The following CRYBG3 variants were observed in gnomAD, a reference collection of about 807,000 sequenced individuals.
The protein encoded by CRYBG3 is crystallin beta-gamma domain containing 3, also known as very large A-kinase anchor protein.
A neutral mutation model predicts 244.2 loss-of-function variants in CRYBG3; 127 were observed. The observed-to-expected ratio is 0.52, with a 90% CI of 0.45 to 0.60. The LOEUF is 0.60. Ranked by LOEUF, CRYBG3 falls within the 20% of genes least tolerant of loss-of-function variation. The pLI, the probability that CRYBG3 is intolerant of heterozygous loss-of-function variation, is 0.00. For missense variants in CRYBG3, 3,325 were observed against 3,442.5 expected (o/e 0.97, Z 0.85); for synonymous variants, 1,132 against 1,195.8 (o/e 0.95, Z 1.10).
At chr3:97,882,096 C>T (rs562383853) in intron 7 of CRYBG3, among the ~76,000 whole-genome samples, 7 of 152,060 alleles carry the variant, frequency 4.6e-5, no homozygotes, top group African/African-American at 1.7e-4. Flanking sequence ...GTAATCCCAG[C>T]TTCACAGGAG....
At position 97,913,008 on chromosome 3, in the gene CRYBG3, G is replaced by A. The variant is rs147041334; in HGVS notation, c.8114+732G>A. Among the ~76,000 whole-genome samples, 9 of 151,834 alleles carry A rather than the reference G, an allele frequency of 5.9e-5. 1 individual carries two copies. Among genetic ancestry groups the A allele is most frequent in the African/African-American group, 2.2e-4 (9 of 41,386 alleles). ...CTCTCTTTTCTTTTAAAATATCTTA[G>A]GTTTGTCAGTTTTCCTCCTTTCTCC... is the stretch of plus-strand genomic sequence containing the variant. On this transcript the variant is annotated intron_variant, in intron 16 of 21. Transcript: ENST00000389622.
intron 10 of CRYBG3, among the ~76,000 whole-genome samples, chr3:97,892,001 G>A (rs1432906485): frequency 6.6e-6 from 1 of 152,176 alleles, no homozygotes; most frequent in African/African-American, 2.4e-5. Context: ...TAACTGGCCT[G>A]CTTTTGCTTT....
chr3:97,913,884 G>A (rs367799350), intron 16 of CRYBG3, among the ~76,000 whole-genome samples: 99 of 152,226 alleles, frequency 6.5e-4, no homozygotes, highest in South Asian at 1.5e-3. Flanking sequence ...TAATTAGCTG[G>A]TAGTGAGTAG....
chr3:97,877,888 T>C lies in CRYBG3; in HGVS notation c.6694T>C (p.Ser2232Pro). 1 of 1,614,078 alleles carries C rather than the reference T, an allele frequency of 6.2e-7. No individual in the cohort carries two copies. The highest frequency in any genetic ancestry group is 2.2e-5 in the East Asian group (1 of 44,876). ...KSDLTSKLHSSLKSAYHQYLQ... is the reference protein window; with the variant it reads ...KSDLTSKLHSPLKSAYHQYLQ... The stretch of plus-strand genomic sequence containing the variant: ...TGACCTTACTTCTAAACTACATTCT[T>C]CTTTAAAGAGTGCTTATCATCAGTA... Residue 2232 changes from serine to proline, a missense_variant, in exon 4 of 22, where the codon TCT (serine) becomes CCT (proline). By Grantham distance (74) the Ser-to-Pro change is moderately conservative. Transcript: ENST00000389622.
At chr3:97,916,069 A>G (rs1392801178) in intron 17 of CRYBG3, among the ~76,000 whole-genome samples, 1 of 152,188 alleles carries the variant, frequency 6.6e-6, no homozygotes, top group Non-Finnish European at 1.5e-5. Flanking sequence ...TAAAATAATA[A>G]CAATAGCACT....
At chr3:97,898,811 T>C in intron 12 of CRYBG3, 72 bp from the exon 13 acceptor site, 1 of 1,080,624 alleles carries the variant, frequency 9.3e-7, no homozygotes, top group Non-Finnish European at 1.3e-6. Context: ...GTATGTGATA[T>C]TTTGCTAGAT....
At position 97,933,840 on chromosome 3, in the gene CRYBG3, A is replaced by G. The variant is rs2040126222; in HGVS notation, c.8381+7A>G. ...TGTGGGTAAAAAGTGGACTGTAAGT[A>G]TGGGAAAAAGGCTTGGTCTGGTTCA... On this transcript the variant is annotated splice_region_variant and intron_variant, in intron 18 of 21. Coordinates refer to ENST00000389622, the MANE Select transcript of CRYBG3 (RefSeq NM_153605.4). 3.1e-6 allele frequency: 5 copies of G among 1,610,706 alleles called. No individual in the cohort carries two copies. Among genetic ancestry groups the G allele is most frequent in the Non-Finnish European group, 4.2e-6 (5 of 1,178,016 alleles).
Position 97,876,834 on chromosome 3 carries a change from C to A in CRYBG3, c.5640C>A (p.Thr1880=). The change falls in exon 4 of 22, where the codon ACC becomes ACA. Residue 1880 remains threonine (T), a synonymous_variant. Transcript: ENST00000389622. ...EKIHGTGLEL[T]TKQGEAMLPA... is the part of the protein sequence containing the mutation. The stretch of plus-strand genomic sequence containing the variant: ...TACATGGAACAGGACTAGAATTGAC[C>A]ACTAAACAAGGGGAGGCCATGCTTC... The A allele has an allele frequency of 2.2e-6, 3 of 1,371,294 alleles. No individual in the cohort carries two copies. Among genetic ancestry groups the A allele is most frequent in the Non-Finnish European group, 2.8e-6 (3 of 1,065,280 alleles). 84.9% of individuals were successfully genotyped at this position (1,371,294 alleles called of 1,614,324 possible).
Position 97,865,722 on chromosome 3 carries a change from G to A in CRYBG3, c.647+1075G>A, listed in dbSNP as rs559644697. On this transcript the variant is annotated intron_variant, in intron 3 of 21. Transcript: ENST00000389622. The stretch of plus-strand genomic sequence containing the variant: ...GTAATTTGAACCCTAGAATATGATG[G>A]CATTATGTGTTCCTCATCTTTGTAC... 2.6e-4 allele frequency among the ~76,000 whole-genome samples: 39 copies of A among 152,200 alleles called. No homozygotes were observed. In the South Asian group the frequency reaches 7.7e-3, roughly 30 times the overall value.
intron 8 of CRYBG3, 36 bp downstream of exon 8, chr3:97,886,803 G>T: frequency 6.8e-7 from 1 of 1,480,176 alleles, no homozygotes; most frequent in Non-Finnish European, 9.0e-7. Context: ...AGTGATTGAT[G>T]GCCACCAATT....
intron 2 of CRYBG3, among the ~76,000 whole-genome samples, chr3:97,852,619 A>G (rs1319472349): frequency 6.6e-6 from 1 of 152,162 alleles, no homozygotes; most frequent in Non-Finnish European, 1.5e-5. Flanking sequence ...AGCTGTTGTA[A>G]ATAGTGCTGC....
At position 97,939,709 on chromosome 3, in the gene CRYBG3, C is replaced by T. The variant is rs561338133; in HGVS notation, c.8506-1439C>T. Among the ~76,000 whole-genome samples, 7 of 152,086 alleles carry T rather than the reference C, an allele frequency of 4.6e-5. No individual in the cohort carries two copies. The South Asian group carries it at 1.5e-3, about 32-fold the overall frequency. On this transcript the variant is annotated intron_variant, in intron 19 of 21. Coordinates refer to ENST00000389622, the MANE Select transcript of CRYBG3 (RefSeq NM_153605.4). ...ATGTAATAAAGATATACTGAAGCCTCAAGAATTAATAATTGCAGTAGATCC... is the reference window on the plus strand; with the variant it reads ...ATGTAATAAAGATATACTGAAGCCTTAAGAATTAATAATTGCAGTAGATCC...
chr3:97,834,617 C>G (rs1211012495), intron 1 of CRYBG3, among the ~76,000 whole-genome samples: 1 of 152,084 alleles, frequency 6.6e-6, no homozygotes, highest in Non-Finnish European at 1.5e-5. Flanking sequence ...CACAAAGGAG[C>G]ATTCACAGGA....
At chr3:97,852,345 T>C (rs2038998790) in intron 2 of CRYBG3, among the ~76,000 whole-genome samples, 1 of 152,170 alleles carries the variant, frequency 6.6e-6, no homozygotes. Flanking sequence ...AGAGATTCAG[T>C]CTCACATTCT....
At chr3:97,917,601 G>A (rs1328632940) in intron 17 of CRYBG3, among the ~76,000 whole-genome samples, 1 of 152,096 alleles carries the variant, frequency 6.6e-6, no homozygotes, top group East Asian at 1.9e-4. Flanking sequence ...GCCTTAAGTT[G>A]ATCAGACCTA....
Position 97,873,394 on chromosome 3 carries a change from G to C in CRYBG3, c.2200G>C (p.Glu734Gln), listed in dbSNP as rs1410115510. The stretch of plus-strand genomic sequence containing the variant: ...TACATCTGCAATTTTTGAATTCAAA[G>C]AAGTTCTTTCTAATAGTGAAAAATG... ...EYTSAIFEFK[E>Q]VLSNSEKCQV... Residue 734 changes from glutamate (E) to glutamine (Q), a missense_variant, in exon 4 of 22, where the codon GAA becomes CAA. Physicochemically the swap from Glu to Gln is conservative, Grantham distance 29. Coordinates refer to ENST00000389622, the MANE Select transcript of CRYBG3 (RefSeq NM_153605.4). The C allele has an allele frequency of 1.3e-6, 2 of 1,535,646 alleles. No homozygotes were observed. The highest frequency in any genetic ancestry group is 4.9e-5 in the East Asian group (2 of 40,928).
intron 15 of CRYBG3, among the ~76,000 whole-genome samples, chr3:97,905,465 G>A (rs1392257052): frequency 1.3e-5 from 2 of 151,514 alleles, no homozygotes; most frequent in Non-Finnish European, 3.0e-5. Flanking sequence ...ATCTCATTGT[G>A]GTTTTGATTT....
At chr3:97,881,577 G>T (rs537987778) in intron 7 of CRYBG3, among the ~76,000 whole-genome samples, 2 of 151,818 alleles carry the variant, frequency 1.3e-5, no homozygotes, top group African/African-American at 4.8e-5. Flanking sequence ...TTGGCCGGGC[G>T]TGGTGGTGCA....
chr3:97,852,143 T>C (rs1437297484), intron 2 of CRYBG3, among the ~76,000 whole-genome samples: 1 of 152,124 alleles, frequency 6.6e-6, no homozygotes, highest in Non-Finnish European at 1.5e-5. Context: ...TCTGAATATT[T>C]GAGTCTGTGG....
Sources: allele counts gnomAD v4.1 joint callset (sites outside exome capture counted in the v4.1 genomes callset), GRCh38; gene constraint gnomAD v4.1.1; transcripts MANE v1.5; gene names NCBI Gene and HGNC (gene_info 2026-07-23, HGNC 2026-07-21).